Variants in LAMA3 observed in about 807,000 individuals in gnomAD.
The protein encoded by LAMA3 is laminin subunit alpha 3, also known as laminin subunit alpha-3.
LAMA3 carries 281 observed loss-of-function variants against 402.0 expected under a neutral mutation model. The ratio of observed to expected loss-of-function variants is 0.70; its 90% confidence interval spans 0.63 to 0.77. LAMA3 has a LOEUF of 0.77. Among genes scored for constraint, LAMA3 ranks in the 30% least tolerant of loss-of-function variants. LAMA3 has a pLI of 0.00. For missense variants in LAMA3, 3,840 were observed against 4,215.5 expected (o/e 0.91, Z 2.47); for synonymous variants, 1,431 against 1,558.4 (o/e 0.92, Z 1.93).
chr18:23,817,993 A>G (rs1365026320), intron 18 of LAMA3, among the ~76,000 whole-genome samples: 2 of 152,056 alleles, frequency 1.3e-5, no homozygotes, highest in Non-Finnish European at 2.9e-5. Context: ...GTCTCTACTA[A>G]AAATACAAAA....
chr18:23,950,586 A>T lies in LAMA3; in HGVS notation c.9642+427A>T, dbSNP rs572162113. Among the ~76,000 whole-genome samples, 9 of 152,186 alleles carry T rather than the reference A, an allele frequency of 5.9e-5. No individual in the cohort carries two copies. In the East Asian group the frequency reaches 1.5e-3, roughly 26 times the overall value. ...ACTCACAGGCCTGAGTCAACATCTT[A>T]TTTTCCACCACCCAGTTATATCTCT... On this transcript the variant is annotated intron_variant, in intron 72 of 74. Transcript: ENST00000313654.
chr18:23,775,805 C>T lies in LAMA3; in HGVS notation c.1287C>T (p.Asp429=). The change falls in exon 10 of 75, where the codon GAC becomes GAT. Residue 429 remains aspartate (D), a synonymous_variant. Coordinates refer to ENST00000313654, the MANE Select transcript of LAMA3 (RefSeq NM_198129.4). Reference sequence around the variant, plus strand: ...GATTTCTCTTAGCCTGCAGCTGTGACCCTGAGCATGCGGATGGCTGTGAAC... The same window carrying T: ...GATTTCTCTTAGCCTGCAGCTGTGATCCTGAGCATGCGGATGGCTGTGAAC... ...APDGCIPCSC[D]PEHADGCEQG... is the part of the protein sequence containing the mutation. 6.2e-7 allele frequency: 1 copy of T among 1,613,950 alleles called. No individual in the cohort carries two copies. Among genetic ancestry groups the T allele is most frequent in the Admixed American group, 1.7e-5 (1 of 60,010 alleles).
chr18:23,895,523 C>T (rs1387805340), intron 44 of LAMA3, among the ~76,000 whole-genome samples: 1 of 152,152 alleles, frequency 6.6e-6, no homozygotes, highest in African/African-American at 2.4e-5. Flanking sequence ...TTGAGTGATA[C>T]TTGGTCATTT....
Position 23,847,479 on chromosome 18 carries a change from G to C in LAMA3, c.3947G>C (p.Arg1316Pro), listed in dbSNP as rs769054831. The C allele has an allele frequency of 6.8e-6, 11 of 1,612,570 alleles. No individual in the cohort carries two copies. In the African/African-American group the frequency reaches 8.0e-5, roughly 12 times the overall value. The change falls in exon 32 of 75, where the codon CGG (arginine) becomes CCG (proline). Residue 1316 changes from arginine (R) to proline (P), a missense_variant. Arg to Pro is a moderately radical substitution (Grantham distance 103). Coordinates refer to ENST00000313654, the MANE Select transcript of LAMA3 (RefSeq NM_198129.4). The stretch of plus-strand genomic sequence containing the variant: ...CCCTGGCCAGCGTGCAGCTGTGGTC[G>C]GCGCCTTTGTGAAGAGATGACGGGG... The part of the protein sequence containing the change: ...FPRCKPCSCG[R>P]RLCEEMTGQC...
chr18:23,929,991 T>A (rs1320200729), intron 64 of LAMA3, among the ~76,000 whole-genome samples: 1 of 152,146 alleles, frequency 6.6e-6, no homozygotes, highest in Non-Finnish European at 1.5e-5. Flanking sequence ...AAGATACATA[T>A]AAGTTAGCAT....
chr18:23,928,055 G>A (rs926495936), intron 62 of LAMA3, 68 bp from the exon 63 acceptor site: 11 of 1,092,060 alleles, frequency 1.0e-5, no homozygotes, highest in Non-Finnish European at 1.4e-5. Flanking sequence ...AGAGCACAGC[G>A]TTTCAGCTCT....
In LAMA3 at chr18:23,946,532, C is replaced by T. The variant is rs2082719712; in HGVS notation, c.9351+248C>T. The T allele has an allele frequency of 5.8e-6, 3 of 513,254 alleles. No individual in the cohort carries two copies. The South Asian group carries it at 6.8e-5, about 12-fold the overall frequency. 31.8% of individuals were successfully genotyped at this position (513,254 alleles called of 1,614,324 possible). On this transcript the variant is annotated intron_variant, in intron 70 of 74. Transcript: ENST00000313654. ...TGAAGATAGAGCTTCTCTGCCACTT[C>T]CTAAACCTGAATCTATTGGCTTCTC...
intron 2 of LAMA3, among the ~76,000 whole-genome samples, chr18:23,725,292 G>C (rs2676105): frequency 6.6e-5 from 10 of 152,088 alleles, no homozygotes; most frequent in Admixed American, 2.0e-4. Context: ...TGTATTTTTA[G>C]TAGAGACGGG....
intron 40 of LAMA3, among the ~76,000 whole-genome samples, chr18:23,882,317 C>G (rs544797004): frequency 6.6e-6 from 1 of 152,056 alleles, no homozygotes; most frequent in African/African-American, 2.4e-5. Context: ...TTAAAATGAA[C>G]AAACACGACA....
intron 39 of LAMA3, among the ~76,000 whole-genome samples, chr18:23,881,265 T>G (rs2064886190): frequency 6.6e-6 from 1 of 152,224 alleles, no homozygotes; most frequent in Non-Finnish European, 1.5e-5. Flanking sequence ...ATAAAAAGCT[T>G]AGATAACATT....
At chr18:23,778,866 A>G (rs534275779) in intron 11 of LAMA3, among the ~76,000 whole-genome samples, 6 of 152,344 alleles carry the variant, frequency 3.9e-5, no homozygotes, top group South Asian at 2.1e-4. Flanking sequence ...CTCTACAGCA[A>G]CATAGTAACT....
At chr18:23,944,029 G>T in intron 69 of LAMA3, 58 bp downstream of exon 69, 1 of 1,519,684 alleles carries the variant, frequency 6.6e-7, no homozygotes. Context: ...TGTTGGAGTC[G>T]CTGAAAATAG....
rs142197222 is a variant in LAMA3 at position 23,730,524 on chromosome 18, C to T, written c.447+16452C>T. Reference sequence around the variant, plus strand: ...CCGGGATTACAGGCACCCACCATCACGCCCAGCTAATTTTTGTATTTTTGT... The same window carrying T: ...CCGGGATTACAGGCACCCACCATCATGCCCAGCTAATTTTTGTATTTTTGT... On this transcript the variant is annotated intron_variant, in intron 2 of 74. Transcript: ENST00000313654. Among the ~76,000 whole-genome samples, 532 of 152,082 alleles carry T rather than the reference C, an allele frequency of 3.5e-3. 1 individual carries two copies. Among genetic ancestry groups the T allele is most frequent in the Non-Finnish European group, 5.3e-3 (357 of 67,994 alleles).
chr18:23,695,416 T>C (rs2060665943), intron 1 of LAMA3, among the ~76,000 whole-genome samples: 1 of 152,090 alleles, frequency 6.6e-6, no homozygotes, highest in Non-Finnish European at 1.5e-5. Context: ...TGTGTGTAGT[T>C]CTAGGGTCCT....
chr18:23,767,092 A>T (rs943976853), intron 8 of LAMA3, among the ~76,000 whole-genome samples: 15 of 152,190 alleles, frequency 9.9e-5, no homozygotes, highest in Non-Finnish European at 1.9e-4. Flanking sequence ...AATCAAGAAC[A>T]CAATCCCATT....
intron 7 of LAMA3, among the ~76,000 whole-genome samples, chr18:23,761,510 C>T (rs2061968808): frequency 6.6e-6 from 1 of 152,158 alleles, no homozygotes; most frequent in Non-Finnish European, 1.5e-5. Flanking sequence ...CAACCTAAGC[C>T]CCAGTTTTCC....
intron 10 of LAMA3, 76 bp from the exon 11 acceptor site, chr18:23,777,481 A>G (rs1232934657): frequency 1.0e-6 from 1 of 989,882 alleles, no homozygotes; most frequent in Non-Finnish European, 1.6e-6. Flanking sequence ...GTGTCTTCCT[A>G]GTTAGTACAA....
At position 23,709,739 on chromosome 18, in the gene LAMA3, TTTCTC is replaced by T. The variant is rs2060954691; in HGVS notation, c.295-4176_295-4172del. ...CCATCTGAGAAGTCCCATGGATTCT[TTTCTC>T]TTCTGCTCCACAAGTTTGATTGTCT... On this transcript the variant is annotated intron_variant, in intron 1 of 74. Transcript: ENST00000313654. 3 of 499,764 alleles carry T rather than the reference TTTCTC, an allele frequency of 6.0e-6. No individual in the cohort carries two copies. The Admixed American group carries it at 7.7e-5, about 13-fold the overall frequency. The allele number at this position is 499,764 out of a possible 1,614,324, so 31.0% of individuals were successfully genotyped here. A position where few individuals can be genotyped will look rare whatever the true frequency, so the allele number is the denominator to read the frequency against.
Position 23,758,748 on chromosome 18 carries a change from C to T in LAMA3, c.1063+237C>T, listed in dbSNP as rs188571747. 2.1e-3 allele frequency among the ~76,000 whole-genome samples: 317 copies of T among 152,328 alleles called. 1 individual carries two copies. Among genetic ancestry groups the T allele is most frequent in the African/African-American group, 7.2e-3 (298 of 41,574 alleles). On this transcript the variant is annotated intron_variant, in intron 7 of 74. Coordinates refer to ENST00000313654, the MANE Select transcript of LAMA3 (RefSeq NM_198129.4). ...ATGATGACCATGCATGATGGGGCTC[C>T]GTGCTTTAATACGTTGACCTCTTTT... is the stretch of plus-strand genomic sequence containing the variant.
Sources: gnomAD v4.1 joint callset for allele counts (sites outside exome capture counted in the v4.1 genomes callset) on GRCh38, gnomAD v4.1.1 for gene constraint, MANE v1.5 for transcripts, NCBI Gene and HGNC (gene_info 2026-07-23, HGNC 2026-07-21) for gene names.